DLG4: variants seen among roughly 807,000 people sequenced by gnomAD.
DLG4 encodes the protein discs large MAGUK scaffold protein 4.
DLG4 carries 7 observed loss-of-function variants against 93.8 expected under a neutral mutation model. The ratio of observed to expected loss-of-function variants is 0.07; its 90% CI spans 0.04 to 0.14. The LOEUF (loss-of-function observed/expected upper bound fraction) is 0.14, where lower values mean the gene tolerates loss of function less well. Among genes scored for constraint, DLG4 ranks in the 10% least tolerant of loss-of-function variants. The probability of loss-of-function intolerance (pLI) is 1.00; values close to 1 mark genes in which losing one functional copy is unlikely to be tolerated. For synonymous variants in DLG4, 341 were observed against 387.6 expected (o/e 0.88, Z 1.41); for missense variants, 545 against 992.9 (o/e 0.55, Z 6.06).
At chr17:7,219,931 G>GGACGCGGGCGTGCAT, upstream of DLG4, 1 of 1,575,666 alleles carries the variant, frequency 6.3e-7, no homozygotes. Context: ...TGGGCGTGCA[G>GGACGCGGGCGTGCAT]GACGCCAGAG....
chr17:7,204,313 A>G (rs986675293), intron 2 of DLG4, 61 bp from the exon 3 acceptor site: 3 of 1,487,698 alleles, frequency 2.0e-6, no homozygotes, highest in Non-Finnish European at 2.7e-6. Context: ...GGAGCCCATA[A>G]CGGAGGGTCC....
In DLG4 at chr17:7,191,379, C is replaced by G; in HGVS notation, c.1977-21G>C. ...TCTCTCTGTGAAGAGGGAGGGAGAG[C>G]AGGCCTGAGACTGGACCCACCTGAC... On this transcript the variant is annotated intron_variant, in intron 18 of 19. Transcript: ENST00000399506. The surrounding 1 kb of genome is among the most constrained non-coding windows in gnomAD (Gnocchi z 6.6). The G allele has an allele frequency of 6.2e-7, 1 of 1,609,720 alleles. No homozygotes were observed. Among genetic ancestry groups the G allele is most frequent in the Non-Finnish European group, 8.5e-7 (1 of 1,176,320 alleles).
At chr17:7,214,810 G>C (rs2070841677) in intron 1 of DLG4, among the ~76,000 whole-genome samples, 1 of 152,252 alleles carries the variant, frequency 6.6e-6, no homozygotes, top group South Asian at 2.1e-4. Context: ...TTCTGGCAGA[G>C]ATAAAGGCAC....
At chr17:7,205,082 G>A (rs1461661393) in intron 2 of DLG4, 8 of 985,428 alleles carry the variant, frequency 8.1e-6, no homozygotes, top group East Asian at 1.1e-4. Context: ...CAGGCCGAGA[G>A]GAGGCCGGGC....
At chr17:7,198,847 C>CAA (rs34843480) in intron 8 of DLG4, among the ~76,000 whole-genome samples, 2 of 90,430 alleles carry the variant, frequency 2.2e-5, no homozygotes, top group Non-Finnish European at 2.3e-5. Context: ...GACTCCATCT[C>CAA]AAAAAAAAAA....
Position 7,203,233 on chromosome 17 carries a change from T to C in DLG4, c.602A>G (p.His201Arg). ...TCCAATCTGCAACCTCCCATCCTTG[T>C]GGGCAGCACCCCCTTCGATGATCTT... is the stretch of plus-strand genomic sequence containing the variant. The part of the protein sequence containing the change: ...VTKIIEGGAA[H>R]KDGRLQIGDK... The change falls in exon 7 of 20, where the codon CAC (histidine) becomes CGC (arginine). Residue 201 changes from histidine (H) to arginine (R), a missense_variant. Coordinates refer to ENST00000399506, the MANE Select transcript of DLG4 (RefSeq NM_001321075.3). This position sits in a 1 kb window ranked among gnomAD's most constrained non-coding sequence, Gnocchi z 7.2. The C allele has an allele frequency of 6.2e-7, 1 of 1,609,710 alleles. No individual in the cohort carries two copies. The highest frequency in any genetic ancestry group is 1.1e-5 in the South Asian group (1 of 90,942).
In DLG4 at chr17:7,193,202, G is replaced by C; in HGVS notation, c.1694-85C>G. The C allele has an allele frequency of 6.4e-7, 1 of 1,551,566 alleles. No homozygotes were observed. The highest frequency in any genetic ancestry group is 1.2e-5 in the South Asian group (1 of 82,764). Reference sequence around the variant, plus strand: ...TGCCTACTTCAATCAAATCCCCATAGTGCCCAGCTGGTCCTTTGGTGAAAG... The same window carrying C: ...TGCCTACTTCAATCAAATCCCCATACTGCCCAGCTGGTCCTTTGGTGAAAG... On this transcript the variant is annotated intron_variant, in intron 16 of 19. Transcript: ENST00000399506. This position sits in a 1 kb window ranked among gnomAD's most constrained non-coding sequence, Gnocchi z 6.7.
At chr17:7,219,785 T>A (rs1042379199), upstream of DLG4, 2 of 1,501,554 alleles carry the variant, frequency 1.3e-6, no homozygotes, top group Non-Finnish European at 1.8e-6. Flanking sequence ...CGAGGGACGC[T>A]TGGAGATCCC....
Position 7,191,195 on chromosome 17 carries a change from G to T in DLG4, c.2068+72C>A. ...CCTCTTTCTAAGCCATCCACTGGGG[G>T]TGGCGGGGGAGCTCTTTCTAATCCG... On this transcript the variant is annotated intron_variant, in intron 19 of 19. Coordinates refer to ENST00000399506, the MANE Select transcript of DLG4 (RefSeq NM_001321075.3). The surrounding 1 kb of genome is among the most constrained non-coding windows in gnomAD (Gnocchi z 6.6). The T allele has an allele frequency of 6.9e-7, 1 of 1,451,694 alleles. No individual in the cohort carries two copies. The highest frequency in any genetic ancestry group is 9.6e-7 in the Non-Finnish European group (1 of 1,038,652). 89.9% of individuals were successfully genotyped at this position (1,451,694 alleles called of 1,614,324 possible).
At chr17:7,218,987 A>G (rs1210155353), upstream of DLG4, 2 of 867,434 alleles carry the variant, frequency 2.3e-6, no homozygotes, top group Non-Finnish European at 3.7e-6. Flanking sequence ...GTCCCAAGGC[A>G]CCAGCACCGC....
In DLG4 at chr17:7,196,181, G is replaced by T. The variant is rs116149249; in HGVS notation, c.1301+39C>A. On this transcript the variant is annotated intron_variant, in intron 11 of 19. Coordinates refer to ENST00000399506, the MANE Select transcript of DLG4 (RefSeq NM_001321075.3). The surrounding 1 kb of genome is among the most constrained non-coding windows in gnomAD (Gnocchi z 8.3). ...GGCCAGGCACAGAGTGCCCAGGAACGCAGAGGGGCTGAGGAGTCCAGCCCG... is the reference window on the plus strand; with the variant it reads ...GGCCAGGCACAGAGTGCCCAGGAACTCAGAGGGGCTGAGGAGTCCAGCCCG... The T allele has an allele frequency of 2.0e-6, 3 of 1,517,200 alleles. No individual in the cohort carries two copies. The highest frequency in any genetic ancestry group is 2.7e-6 in the Non-Finnish European group (3 of 1,101,188). 94.0% of individuals were successfully genotyped at this position (1,517,200 alleles called of 1,614,324 possible).
intron 3 of DLG4, 49 bp downstream of exon 3, chr17:7,204,150 C>G: frequency 3.1e-6 from 5 of 1,601,030 alleles, no homozygotes; most frequent in Non-Finnish European, 4.3e-6. Context: ...CTCCCTTACT[C>G]CCTCCTTCCT....
rs1167577561 is a variant in DLG4 at position 7,203,923 on chromosome 17, G to A, written c.210+85C>T. 2 of 1,586,982 alleles carry A rather than the reference G, an allele frequency of 1.3e-6. No homozygotes were observed. Among genetic ancestry groups the A allele is most frequent in the Non-Finnish European group, 8.6e-7 (1 of 1,166,288 alleles). ...CAGCCAGAGGAGGAAGGCACAGGGT[G>A]AGGGGCTAGCCACCCAGACCACATG... On this transcript the variant is annotated intron_variant, in intron 4 of 19. Coordinates refer to ENST00000399506, the MANE Select transcript of DLG4 (RefSeq NM_001321075.3). The surrounding 1 kb of genome is among the most constrained non-coding windows in gnomAD (Gnocchi z 7.2).
At chr17:7,211,653 C>A (rs2070710749) in intron 1 of DLG4, 13 of 982,164 alleles carry the variant, frequency 1.3e-5, no homozygotes, top group Non-Finnish European at 1.6e-5. Flanking sequence ...TACCGCGGCA[C>A]GTACCACGCA....
At chr17:7,211,768 G>T (rs2070717852) in intron 1 of DLG4, 2 of 132,440 alleles carry the variant, frequency 1.5e-5, no homozygotes, top group South Asian at 5.5e-4. Context: ...TTGGGGGAGG[G>T]GGAGGGGCAG....
At position 7,194,130 on chromosome 17, in the gene DLG4, A is replaced by G; in HGVS notation, c.1479-130T>C. 1 of 1,361,932 alleles carries G rather than the reference A, an allele frequency of 7.3e-7. No homozygotes were observed. Among genetic ancestry groups the G allele is most frequent in the Non-Finnish European group, 1.0e-6 (1 of 997,170 alleles). The allele number at this position is 1,361,932 out of a possible 1,614,324, so 84.4% of individuals were successfully genotyped here. On this transcript the variant is annotated intron_variant, in intron 12 of 19. Transcript: ENST00000399506. This position sits in a 1 kb window ranked among gnomAD's most constrained non-coding sequence, Gnocchi z 4.4. Reference sequence around the variant, plus strand: ...GACACCCCTTCTCCTGCAGCCCTGGACACTGTGCTCCTCAATAAGGAGTTG... The same window carrying G: ...GACACCCCTTCTCCTGCAGCCCTGGGCACTGTGCTCCTCAATAAGGAGTTG...
chr17:7,212,001 T>G (rs1052534537), intron 1 of DLG4, among the ~76,000 whole-genome samples: 4 of 152,006 alleles, frequency 2.6e-5, no homozygotes, highest in African/African-American at 4.8e-5. Context: ...CAGACTTAAA[T>G]TTACCAGTTT....
Position 7,194,607 on chromosome 17 carries a change from A to G in DLG4, c.1302-112T>C, listed in dbSNP as rs368827972. Reference sequence around the variant, plus strand: ...TGCAGATGGCACTCCCATGGGAGCTATGGATGCCGAGGAACCCAAAACTGT... The same window carrying G: ...TGCAGATGGCACTCCCATGGGAGCTGTGGATGCCGAGGAACCCAAAACTGT... On this transcript the variant is annotated intron_variant, in intron 11 of 19. Coordinates refer to ENST00000399506, the MANE Select transcript of DLG4 (RefSeq NM_001321075.3). The surrounding 1 kb of genome is among the most constrained non-coding windows in gnomAD (Gnocchi z 4.4). 2.5e-6 allele frequency: 3 copies of G among 1,218,968 alleles called. No individual in the cohort carries two copies. The highest frequency in any genetic ancestry group is 2.6e-5 in the East Asian group (1 of 39,166). The allele number at this position is 1,218,968 out of a possible 1,614,324, so 75.5% of individuals were successfully genotyped here.
chr17:7,211,060 G>A (rs1183379928), intron 1 of DLG4, among the ~76,000 whole-genome samples: 2 of 145,558 alleles, frequency 1.4e-5, no homozygotes, highest in East Asian at 4.3e-4. Context: ...AAGAGGTTAG[G>A]GACTAGGTTC....
Sources: gnomAD v4.1 joint callset for allele counts (sites outside exome capture counted in the v4.1 genomes callset) on GRCh38, gnomAD v4.1.1 for gene constraint, Gnocchi (gnomAD v3.1) non-coding constraint, MANE v1.5 for transcripts, NCBI Gene and HGNC (gene_info 2026-07-23, HGNC 2026-07-21) for gene names.